Variants in HHIP observed in about 807,000 individuals in gnomAD.
HHIP encodes the protein hedgehog-interacting protein.
A neutral mutation model predicts 74.0 loss-of-function variants in HHIP; 12 were observed. The ratio of observed to expected loss-of-function variants is 0.16; its 90% CI spans 0.10 to 0.26. The LOEUF is 0.26. HHIP is among the 10% of genes least tolerant of loss of function. HHIP has a pLI of 1.00. For synonymous variants in HHIP, 309 were observed against 311.6 expected (o/e 0.99, Z 0.09); for missense variants, 788 against 845.0 (o/e 0.93, Z 0.84).
chr4:144,738,577 A>C lies in HHIP; in HGVS notation c.*620A>C. 1 of 800,742 alleles carries C rather than the reference A, an allele frequency of 1.2e-6. No homozygotes were observed. The highest frequency in any genetic ancestry group is 1.5e-6 in the Non-Finnish European group (1 of 661,668). 49.6% of individuals were successfully genotyped at this position (800,742 alleles called of 1,614,324 possible). A position where few individuals can be genotyped will look rare whatever the true frequency, so the allele number is the denominator to read the frequency against. On this transcript the variant is annotated 3_prime_UTR_variant, in exon 13 of 13. Transcript: ENST00000296575. The stretch of plus-strand genomic sequence containing the variant: ...TCATCTTAATCTCAAGATTGTTTTC[A>C]AGTGTTTTATAATTAAATCATAATA...
At chr4:144,670,595 CAA>C (rs1294339421) in intron 4 of HHIP, among the ~76,000 whole-genome samples, 1 of 150,346 alleles carries the variant, frequency 6.7e-6, no homozygotes, top group African/African-American at 2.4e-5. Context: ...AAACAGACCA[CAA>C]ACTTTCATAA....
chr4:144,740,613 A>G lies in HHIP; in HGVS notation c.*2656A>G, dbSNP rs903608966. ...TTCTCTTTGACCTTTTCTTTCAAGT[A>G]GATTTTTTTAAATGCATGACTGGAG... On this transcript the variant is annotated 3_prime_UTR_variant, in exon 13 of 13. Coordinates refer to ENST00000296575, the MANE Select transcript of HHIP (RefSeq NM_022475.3). 6.6e-6 allele frequency: 1 copy of G among 152,230 alleles called. No individual in the cohort carries two copies. The highest frequency in any genetic ancestry group is 2.4e-5 in the African/African-American group (1 of 41,464). 9.4% of individuals were successfully genotyped at this position (152,230 alleles called of 1,614,324 possible).
chr4:144,683,675 G>C (rs367620639), intron 4 of HHIP, among the ~76,000 whole-genome samples: 22 of 152,218 alleles, frequency 1.4e-4, no homozygotes, highest in African/African-American at 5.1e-4. Context: ...CTCGCCTGTA[G>C]CCTGTTTTTG....
intron 4 of HHIP, among the ~76,000 whole-genome samples, chr4:144,690,829 G>T (rs1339504283): frequency 1.3e-5 from 2 of 152,012 alleles, no homozygotes; most frequent in Non-Finnish European, 2.9e-5. Flanking sequence ...ATGGCCAACA[G>T]AAACAAAAAA....
At chr4:144,736,723 T>C (rs1731130810) in intron 12 of HHIP, among the ~76,000 whole-genome samples, 2 of 152,242 alleles carry the variant, frequency 1.3e-5, no homozygotes, top group Non-Finnish European at 2.9e-5. Context: ...AGTTTGAATA[T>C]ATAACATTTA....
At chr4:144,652,529 TTG>T (rs1728450789) in intron 1 of HHIP, 74 bp from the exon 2 acceptor site, 1 of 910,352 alleles carries the variant, frequency 1.1e-6, no homozygotes, top group Non-Finnish European at 1.7e-6. Flanking sequence ...ACTTACACAA[TTG>T]CAAAAAATAA....
chr4:144,659,579 G>A (rs752905202), intron 3 of HHIP, 58 bp from the exon 4 acceptor site: 1 of 1,134,286 alleles, frequency 8.8e-7, no homozygotes, highest in South Asian at 2.5e-5. Context: ...GATGCCAAGT[G>A]CATCCCTTAT....
chr4:144,731,506 G>A (rs879536302), intron 11 of HHIP, among the ~76,000 whole-genome samples: 10 of 152,004 alleles, frequency 6.6e-5, no homozygotes, highest in South Asian at 2.1e-4. Flanking sequence ...TGCAACCTCC[G>A]CCTCCTGGGT....
At chr4:144,685,634 A>G (rs1729464837) in intron 4 of HHIP, 1 of 152,182 alleles carries the variant, frequency 6.6e-6, no homozygotes, top group Non-Finnish European at 1.5e-5. Flanking sequence ...CAAGAAAATC[A>G]CGTGGCTGTC....
intron 4 of HHIP, among the ~76,000 whole-genome samples, chr4:144,682,831 A>T (rs1469892910): frequency 1.3e-5 from 2 of 152,382 alleles, no homozygotes; most frequent in South Asian, 4.1e-4. Flanking sequence ...TTATTAGCTT[A>T]ATCTCTGTTA....
At chr4:144,728,610 A>G (rs1037385754) in intron 11 of HHIP, among the ~76,000 whole-genome samples, 16 of 152,178 alleles carry the variant, frequency 1.1e-4, no homozygotes, top group African/African-American at 2.9e-4. Flanking sequence ...TCTGCAGCCT[A>G]CATATGCTAT....
intron 2 of HHIP, among the ~76,000 whole-genome samples, chr4:144,653,925 T>A (rs1728492641): frequency 6.6e-6 from 1 of 152,126 alleles, no homozygotes; most frequent in South Asian, 2.1e-4. Flanking sequence ...AAGCAGCTGT[T>A]TCTTCCTCTT....
chr4:144,729,515 T>G (rs1730891555), intron 11 of HHIP, among the ~76,000 whole-genome samples: 1 of 152,202 alleles, frequency 6.6e-6, no homozygotes, highest in African/African-American at 2.4e-5. Flanking sequence ...GTGAGTCACC[T>G]GGCCATTTTG....
At chr4:144,730,569 C>T (rs957201999) in intron 11 of HHIP, among the ~76,000 whole-genome samples, 3 of 151,956 alleles carry the variant, frequency 2.0e-5, no homozygotes, top group African/African-American at 7.2e-5. Flanking sequence ...CTTATTAGAT[C>T]GTACATTAAA....
intron 5 of HHIP, 136 bp from the exon 6 acceptor site, chr4:144,706,951 G>A (rs1369732575): frequency 1.3e-6 from 1 of 759,090 alleles, no homozygotes; most frequent in Non-Finnish European, 2.1e-6. Context: ...ATTTCTGTTA[G>A]CTCCATTTCA....
At position 144,734,873 on chromosome 4, in the gene HHIP, G is replaced by A. The variant is rs1194304662; in HGVS notation, c.1893G>A (p.Gly631=). The change falls in exon 12 of 13, where the codon GGG becomes GGA. Residue 631 remains glycine, a synonymous_variant. Coordinates refer to ENST00000296575, the MANE Select transcript of HHIP (RefSeq NM_022475.3). ...GKCCCSPGWE[G]DFCRTAKCEP... The stretch of plus-strand genomic sequence containing the variant: ...GCTGCTGCAGTCCAGGCTGGGAGGG[G>A]GACTTCTGCAGAACTGGTTAGTATT... 1.2e-6 allele frequency: 2 copies of A among 1,610,564 alleles called. No individual in the cohort carries two copies. Among genetic ancestry groups the A allele is most frequent in the Admixed American group, 1.7e-5 (1 of 59,954 alleles).
chr4:144,674,852 T>A (rs1242998524), intron 4 of HHIP, among the ~76,000 whole-genome samples: 2 of 152,198 alleles, frequency 1.3e-5, no homozygotes, highest in African/African-American at 2.4e-5. Flanking sequence ...AGGTGAGTTG[T>A]CAGTAAATTA....
chr4:144,652,569 A>T, intron 1 of HHIP, 36 bp from the exon 2 acceptor site: 1 of 1,316,396 alleles, frequency 7.6e-7, no homozygotes, highest in Non-Finnish European at 1.1e-6. Context: ...AAATTTACCT[A>T]CTAAAAAAAG....
chr4:144,646,942 C>A lies in HHIP; in HGVS notation c.267C>A (p.Arg89=). ...CLRSDSPGLG[R]LENKIFSVTN... is the part of the protein sequence containing the mutation. ...GGAGTGACAGCCCGGGGCTAGGGCG[C>A]CTGGAGAATAAGGTAGGCACTCACC... is the stretch of plus-strand genomic sequence containing the variant. The change falls in exon 1 of 13, where the codon CGC becomes CGA. Residue 89 remains arginine, a synonymous_variant. Coordinates refer to ENST00000296575, the MANE Select transcript of HHIP (RefSeq NM_022475.3). 6.2e-7 allele frequency: 1 copy of A among 1,608,892 alleles called. No individual in the cohort carries two copies. The highest frequency in any genetic ancestry group is 1.1e-5 in the South Asian group (1 of 90,530).
Sources: allele counts gnomAD v4.1 joint callset (sites outside exome capture counted in the v4.1 genomes callset), GRCh38; gene constraint gnomAD v4.1.1; transcripts MANE v1.5; gene names NCBI Gene and HGNC (gene_info 2026-07-23, HGNC 2026-07-21).